The following CRHR1 variants were observed in gnomAD, a reference collection of about 807,000 sequenced individuals.
CRHR1 encodes corticotropin releasing hormone receptor 1.
A neutral mutation model predicts 56.0 loss-of-function variants in CRHR1; 28 were observed. The ratio of observed to expected loss-of-function variants is 0.50; its 90% CI spans 0.37 to 0.69. CRHR1 has a LOEUF of 0.69. Among genes scored for constraint, CRHR1 ranks in the 30% least tolerant of loss-of-function variants. CRHR1 has a pLI of 0.00. For synonymous variants in CRHR1, 195 were observed against 216.5 expected (o/e 0.90, Z 0.87); for missense variants, 376 against 548.0 (o/e 0.69, Z 3.13).
chr17:45,792,740 G>A (rs1470607416), intron 1 of CRHR1, among the ~76,000 whole-genome samples: 1 of 152,126 alleles, frequency 6.6e-6, no homozygotes, highest in Non-Finnish European at 1.5e-5. Context: ...AGCTCATCGT[G>A]GATCCTGGGC....
chr17:45,789,876 C>T (rs148009830), intron 1 of CRHR1, among the ~76,000 whole-genome samples: 254 of 152,296 alleles, frequency 1.7e-3, no homozygotes, highest in African/African-American at 5.8e-3. Context: ...ATAATACCTG[C>T]TTTATGGCAT....
At position 45,834,685 on chromosome 17, in the gene CRHR1, GA is replaced by G; in HGVS notation, c.1170del (p.Val391TrpfsTer42). 1 of 1,613,668 alleles carries G rather than the reference GA, an allele frequency of 6.2e-7. No individual in the cohort carries two copies. The highest frequency in any genetic ancestry group is 8.5e-7 in the Non-Finnish European group (1 of 1,179,962). Reference sequence around the variant, plus strand: ...CAGGACAAGCACTCGATCCGTGCCCGAGTGGCCCGTGCCATGTCCATCCCCA... The same window carrying G: ...CAGGACAAGCACTCGATCCGTGCCCGGTGGCCCGTGCCATGTCCATCCCCA... ...RWQDKHSIRA[R>X]VARAMSIPTS... is the part of the protein sequence containing the mutation. On this transcript the variant is annotated frameshift_variant, in exon 13 of 13. Coordinates refer to ENST00000314537, the MANE Select transcript of CRHR1 (RefSeq NM_004382.5). LOFTEE classifies it high-confidence loss of function.
chr17:45,794,940 A>G (rs1191465848), intron 1 of CRHR1, among the ~76,000 whole-genome samples: 1 of 151,900 alleles, frequency 6.6e-6, no homozygotes, highest in Non-Finnish European at 1.5e-5. Context: ...CAGCTCGCTG[A>G]CTCTGGGAAG....
At chr17:45,816,023 A>T (rs924830121) in intron 2 of CRHR1, among the ~76,000 whole-genome samples, 1 of 152,130 alleles carries the variant, frequency 6.6e-6, no homozygotes, top group African/African-American at 2.4e-5. Context: ...GATTGCAGAG[A>T]CGTGAGGGGC....
chr17:45,796,067 G>A (rs1014004302), intron 1 of CRHR1, among the ~76,000 whole-genome samples: 52 of 152,044 alleles, frequency 3.4e-4, no homozygotes, highest in Non-Finnish European at 1.0e-4. Flanking sequence ...CTTTTAAAAC[G>A]CAGCTCCATA....
intron 2 of CRHR1, among the ~76,000 whole-genome samples, chr17:45,811,451 G>A (rs906555428): frequency 2.0e-5 from 3 of 152,228 alleles, no homozygotes; most frequent in Non-Finnish European, 4.4e-5. Flanking sequence ...GGAAGATATA[G>A]GACCGGTTTT....
At chr17:45,796,516 A>AAGGCAGGCAGGGCAGGCAGGG (rs2061520805) in intron 1 of CRHR1, among the ~76,000 whole-genome samples, 1 of 151,900 alleles carries the variant, frequency 6.6e-6, no homozygotes, top group Non-Finnish European at 1.5e-5. Flanking sequence ...GAGGGAAGGG[A>AAGGCAGGCAGGGCAGGCAGGG]AGGCAGGCAG....
intron 1 of CRHR1, among the ~76,000 whole-genome samples, chr17:45,797,593 T>C (rs1180510063): frequency 2.0e-5 from 3 of 152,140 alleles, no homozygotes; most frequent in Non-Finnish European, 4.4e-5. Context: ...CAGTTTTATA[T>C]GCACCATATT....
chr17:45,800,917 C>T (rs933391096), intron 1 of CRHR1: 4 of 152,230 alleles, frequency 2.6e-5, no homozygotes, highest in African/African-American at 9.7e-5. Context: ...TCAGGACCCT[C>T]CCCAAAAGGT....
chr17:45,799,560 G>A (rs777754185), intron 1 of CRHR1: 5 of 152,278 alleles, frequency 3.3e-5, no homozygotes, highest in Non-Finnish European at 5.9e-5. Flanking sequence ...TATTGGGATT[G>A]TGGAGCCTGC....
In CRHR1 at chr17:45,807,012, C is replaced by G. The variant is rs372100277; in HGVS notation, c.36C>G (p.Ala12=). The G allele has an allele frequency of 6.2e-7, 1 of 1,613,844 alleles. No individual in the cohort carries two copies. The highest frequency in any genetic ancestry group is 8.5e-7 in the Non-Finnish European group (1 of 1,179,944). ...TCCTTCGCCTCCTGTGCCTGCAGGC[C>G]CTTCTCCTTCTGGGGCTGAACCCCG... The part of the protein sequence containing the change: ...GGHPQLRLVK[A]LLLLGLNPVS... Residue 12 remains alanine (A), a splice_region_variant and synonymous_variant, in exon 2 of 13, where the codon GCC becomes GCG. Coordinates refer to ENST00000314537, the MANE Select transcript of CRHR1 (RefSeq NM_004382.5).
chr17:45,810,266 C>T (rs1362612035), intron 2 of CRHR1, among the ~76,000 whole-genome samples: 1 of 152,154 alleles, frequency 6.6e-6, no homozygotes, highest in Non-Finnish European at 1.5e-5. Flanking sequence ...ATCTGGGCGA[C>T]AGAGCGAGAC....
intron 1 of CRHR1, among the ~76,000 whole-genome samples, chr17:45,793,597 G>A (rs1036915449): frequency 6.6e-6 from 1 of 152,214 alleles, no homozygotes; most frequent in African/African-American, 2.4e-5. Flanking sequence ...AGCTCCCTGT[G>A]AGTCGGTGTG....
chr17:45,804,738 G>A (rs910856268), intron 1 of CRHR1, among the ~76,000 whole-genome samples: 1 of 152,070 alleles, frequency 6.6e-6, no homozygotes, highest in Non-Finnish European at 1.5e-5. Flanking sequence ...GTCTGGCTTG[G>A]GAAGATGGCG....
At chr17:45,829,593 A>G (rs1449872100) in intron 5 of CRHR1, 1 of 1,550,924 alleles carries the variant, frequency 6.4e-7, no homozygotes, top group Non-Finnish European at 8.7e-7. Flanking sequence ...GACCAGGCAG[A>G]TGGAGCCCTG....
Position 45,784,369 on chromosome 17 carries a change from C to CGGGCCGGGCCGGGCCGCG in CRHR1, c.-167_-150dup. 2.7e-6 allele frequency: 1 copy of CGGGCCGGGCCGGGCCGCG among 371,736 alleles called. No homozygotes were observed. The highest frequency in any genetic ancestry group is 4.5e-6 in the Non-Finnish European group (1 of 222,032). The allele number at this position is 371,736 out of a possible 1,614,324, so 23.0% of individuals were successfully genotyped here. A position where few individuals can be genotyped will look rare whatever the true frequency, so the allele number is the denominator to read the frequency against. On this transcript the variant is annotated 5_prime_UTR_variant, in exon 1 of 13. Transcript: ENST00000314537. The surrounding 1 kb of genome is among the most constrained non-coding windows in gnomAD (Gnocchi z 4.2). ...GGGAAGGGGCGAGCGAGAGCCGGGCCGGGCCGGGCCGGGCCGCGGGGCCGG... is the reference window on the plus strand; with the variant it reads ...GGGAAGGGGCGAGCGAGAGCCGGGCCGGGCCGGGCCGGGCCGCGGGGCCGGGCCGGGCCGCGGGGCCGG...
At chr17:45,789,470 CAA>C (rs1252896405) in intron 1 of CRHR1, among the ~76,000 whole-genome samples, 2 of 151,810 alleles carry the variant, frequency 1.3e-5, no homozygotes, top group Non-Finnish European at 2.9e-5. Context: ...CTTGTGGGCT[CAA>C]GTGATCCTCC....
intron 1 of CRHR1, among the ~76,000 whole-genome samples, chr17:45,796,103 C>T (rs977949565): frequency 2.6e-5 from 4 of 152,232 alleles, no homozygotes; most frequent in Admixed American, 6.5e-5. Flanking sequence ...CTGCCGACAC[C>T]GAAATCCCCC....
At chr17:45,800,127 T>A (rs1377065832) in intron 1 of CRHR1, among the ~76,000 whole-genome samples, 3 of 152,390 alleles carry the variant, frequency 2.0e-5, no homozygotes, top group East Asian at 3.9e-4. Flanking sequence ...TGTGTGTGTC[T>A]GTCTGTCCTT....
Sources: gnomAD v4.1 joint callset for allele counts (sites outside exome capture counted in the v4.1 genomes callset) on GRCh38, gnomAD v4.1.1 for gene constraint, Gnocchi (gnomAD v3.1) non-coding constraint, MANE v1.5 for transcripts, NCBI Gene and HGNC (gene_info 2026-07-23, HGNC 2026-07-21) for gene names.